Variants in ADAM22 observed in about 807,000 individuals in gnomAD.
The protein encoded by ADAM22 is ADAM metallopeptidase domain 22.
A neutral mutation model predicts 144.6 loss-of-function variants in ADAM22; 65 were observed. The ratio of observed to expected loss-of-function variants is 0.45; its 90% CI spans 0.37 to 0.55. ADAM22 has a LOEUF of 0.55. ADAM22 is among the 20% of genes least tolerant of loss of function. The pLI, the probability that ADAM22 is intolerant of heterozygous loss-of-function variation, is 0.00. For missense variants in ADAM22, 974 were observed against 1,184.9 expected (o/e 0.82, Z 2.61); for synonymous variants, 391 against 412.6 (o/e 0.95, Z 0.63).
At chr7:88,020,689 A>C (rs569446559) in intron 3 of ADAM22, among the ~76,000 whole-genome samples, 25 of 152,212 alleles carry the variant, frequency 1.6e-4, no homozygotes, top group Non-Finnish European at 2.5e-4. Flanking sequence ...GCAGTCCCTG[A>C]GATCAGCAGA....
intron 4 of ADAM22, among the ~76,000 whole-genome samples, chr7:88,093,749 G>A (rs770550689): frequency 2.0e-5 from 3 of 152,094 alleles, no homozygotes; most frequent in Admixed American, 1.3e-4. Flanking sequence ...GTTTCACCAC[G>A]TTACCCAGGC....
At position 87,934,361 on chromosome 7, in the gene ADAM22, G is replaced by A; in HGVS notation, c.-105G>A. 9.2e-7 allele frequency: 1 copy of A among 1,092,384 alleles called. No homozygotes were observed. The highest frequency in any genetic ancestry group is 1.3e-6 in the Non-Finnish European group (1 of 769,340). 67.7% of individuals were successfully genotyped at this position (1,092,384 alleles called of 1,614,324 possible). ...CCGCAGCACCGGCCGGGGCTGGGTG[G>A]AGGTGGCCGCGGGGACCCCGGGGGC... On this transcript the variant is annotated 5_prime_UTR_variant, in exon 1 of 32. Transcript: ENST00000413139.
chr7:87,974,592 C>T (rs566198643), intron 2 of ADAM22, among the ~76,000 whole-genome samples: 1 of 152,280 alleles, frequency 6.6e-6, no homozygotes, highest in African/African-American at 2.4e-5. Flanking sequence ...ACATTGAATA[C>T]TGGTGCAATG....
chr7:88,066,292 C>T lies in ADAM22; in HGVS notation c.324-9334C>T, dbSNP rs531357979. 3.3e-5 allele frequency among the ~76,000 whole-genome samples: 5 copies of T among 152,166 alleles called. No individual in the cohort carries two copies. In the East Asian group the frequency reaches 9.7e-4, roughly 29 times the overall value. On this transcript the variant is annotated intron_variant, in intron 3 of 31. Coordinates refer to ENST00000413139, the MANE Select transcript of ADAM22 (RefSeq NM_001324418.2). ...ATTCTGGAAATTTTTTTTGAAAACA[C>T]TATTGACAGAATTTTCTTATCAGTT...
intron 4 of ADAM22, among the ~76,000 whole-genome samples, chr7:88,094,139 G>C (rs778459161): frequency 1.3e-5 from 2 of 152,146 alleles, no homozygotes; most frequent in Non-Finnish European, 2.9e-5. Context: ...CATGAAGCTT[G>C]TCCTTTAGTA....
At chr7:88,008,842 C>T (rs1424826407) in intron 3 of ADAM22, among the ~76,000 whole-genome samples, 1 of 150,644 alleles carries the variant, frequency 6.6e-6, no homozygotes, top group Non-Finnish European at 1.5e-5. Context: ...CACATGTATA[C>T]ATATGTAACT....
At chr7:87,964,796 ACT>A (rs1848687417) in intron 2 of ADAM22, 13 of 305,006 alleles carry the variant, frequency 4.3e-5, no homozygotes, top group South Asian at 3.6e-4. Context: ...GCAAGGAGTT[ACT>A]CTTCAAAGCA....
At chr7:88,098,191 A>G (rs1341140259) in intron 4 of ADAM22, among the ~76,000 whole-genome samples, 2 of 152,214 alleles carry the variant, frequency 1.3e-5, no homozygotes, top group Non-Finnish European at 2.9e-5. Flanking sequence ...TGGAATATTA[A>G]GTTTGCCATA....
At chr7:87,973,225 G>C (rs574116789) in intron 2 of ADAM22, among the ~76,000 whole-genome samples, 2 of 151,980 alleles carry the variant, frequency 1.3e-5, no homozygotes, top group African/African-American at 4.8e-5. Context: ...AATCTACAAC[G>C]AACTCAAACA....
chr7:88,174,226 T>C (rs1040192357), intron 26 of ADAM22, among the ~76,000 whole-genome samples: 1 of 152,180 alleles, frequency 6.6e-6, no homozygotes, highest in Non-Finnish European at 1.5e-5. Flanking sequence ...TTCTATGTTT[T>C]CTTGCAAGTT....
chr7:87,957,299 C>A (rs1847010448), intron 2 of ADAM22, among the ~76,000 whole-genome samples: 1 of 152,040 alleles, frequency 6.6e-6, no homozygotes, highest in Non-Finnish European at 1.5e-5. Flanking sequence ...TGAAATTGAC[C>A]ATGTGAGGGT....
intron 3 of ADAM22, among the ~76,000 whole-genome samples, chr7:88,058,234 T>G (rs2282951): frequency 0.41 from 62,900 of 151,964 alleles, 14,429 homozygotes; most frequent in South Asian, 0.6. Context: ...GGTGATGAGA[T>G]ACCTCAGAAA....
chr7:88,092,695 G>T (rs1033583674), intron 4 of ADAM22, among the ~76,000 whole-genome samples: 1 of 152,194 alleles, frequency 6.6e-6, no homozygotes, highest in Non-Finnish European at 1.5e-5. Context: ...TGGGACTGAA[G>T]CAAGGTTGCT....
At chr7:88,152,646 T>C (rs575966418) in intron 20 of ADAM22, among the ~76,000 whole-genome samples, 1 of 152,268 alleles carries the variant, frequency 6.6e-6, no homozygotes, top group African/African-American at 2.4e-5. Context: ...TATTTGTTAT[T>C]GCCTTCCCTA....
At chr7:88,046,410 A>G (rs1804703307) in intron 3 of ADAM22, among the ~76,000 whole-genome samples, 1 of 151,976 alleles carries the variant, frequency 6.6e-6, no homozygotes, top group Admixed American at 6.6e-5. Context: ...TATTTTTTCC[A>G]TCATGTTATT....
chr7:88,096,047 G>C (rs1480524723), intron 4 of ADAM22, among the ~76,000 whole-genome samples: 4 of 150,372 alleles, frequency 2.7e-5, no homozygotes, highest in African/African-American at 9.8e-5. Flanking sequence ...TCAGTCTCCT[G>C]AGTAGCTGGG....
At chr7:87,976,236 A>T (rs1202666528) in intron 2 of ADAM22, among the ~76,000 whole-genome samples, 2 of 152,146 alleles carry the variant, frequency 1.3e-5, no homozygotes, top group African/African-American at 4.8e-5. Flanking sequence ...GCACTGAATT[A>T]TGCCCTCCCC....
At chr7:88,177,683 A>G (rs1313140244) in intron 26 of ADAM22, among the ~76,000 whole-genome samples, 1 of 152,230 alleles carries the variant, frequency 6.6e-6, no homozygotes, top group African/African-American at 2.4e-5. Context: ...ATAATATGAG[A>G]GTATTCAATC....
chr7:88,178,979 A>T lies in ADAM22; in HGVS notation c.2345A>T (p.Asp782Val). 1 of 1,612,940 alleles carries T rather than the reference A, an allele frequency of 6.2e-7. No homozygotes were observed. The highest frequency in any genetic ancestry group is 8.5e-7 in the Non-Finnish European group (1 of 1,179,348). The change falls in exon 27 of 32, where the codon GAC (aspartate) becomes GTC (valine). Residue 782 changes from aspartate to valine, a missense_variant. Physicochemically the swap from Asp to Val is radical, Grantham distance 152 (BLOSUM62 -3). Around this residue, in one of 2 missense-constraint regions of ADAM22, gnomAD observed 734 missense variants for 950.6 expected, o/e 0.77. Transcript: ENST00000413139. ...TATGTAAAAAAGCCTGGAGATGGTG[A>T]CTCTTTTTATAGCGACATTCCTCCC... ...GDYVKKPGDGDSFYSDIPPGV... is the reference protein window; with the variant it reads ...GDYVKKPGDGVSFYSDIPPGV...
Sources: allele counts gnomAD v4.1 joint callset (sites outside exome capture counted in the v4.1 genomes callset), GRCh38; gene constraint gnomAD v4.1.1; regional missense constraint gnomAD v4.1.1; transcripts MANE v1.5; gene names NCBI Gene and HGNC (gene_info 2026-07-23, HGNC 2026-07-21).